The following VAT1L variants were observed in gnomAD, a reference collection of about 807,000 sequenced individuals.
VAT1L encodes the protein putative NADPH-dependent quinone oxidoreductase VAT1L.
A neutral mutation model predicts 44.1 loss-of-function variants in VAT1L; 34 were observed. The observed-to-expected ratio is 0.77, with a 90% CI of 0.59 to 1.03. VAT1L has a LOEUF of 1.03. Ranked by LOEUF, VAT1L falls within the 50% of genes least tolerant of loss-of-function variation. VAT1L has a pLI of 0.00. For missense variants in VAT1L, 615 were observed against 538.8 expected, an observed-to-expected ratio of 1.14 and a Z score of -1.40; for synonymous variants, 253 against 202.2, an observed-to-expected ratio of 1.25 and a Z score of -2.13.
chr16:77,968,994 T>G (rs1395014337), intron 7 of VAT1L, among the ~76,000 whole-genome samples: 3 of 151,942 alleles, frequency 2.0e-5, no homozygotes, highest in Non-Finnish European at 4.4e-5. Context: ...AATTTTTGTT[T>G]TTTTAGTAGA....
At chr16:77,956,501 T>A (rs2018104967) in intron 7 of VAT1L, among the ~76,000 whole-genome samples, 1 of 152,228 alleles carries the variant, frequency 6.6e-6, no homozygotes, top group Non-Finnish European at 1.5e-5. Flanking sequence ...GCAATGATCA[T>A]GAGCAACGGC....
At chr16:77,959,522 C>A (rs1017047112) in intron 7 of VAT1L, among the ~76,000 whole-genome samples, 1 of 152,182 alleles carries the variant, frequency 6.6e-6, no homozygotes, top group Non-Finnish European at 1.5e-5. Context: ...TTTTTCAAAG[C>A]TTTTAATTTA....
intron 2 of VAT1L, among the ~76,000 whole-genome samples, chr16:77,818,607 C>T (rs1567476199): frequency 1.3e-5 from 2 of 152,142 alleles, no homozygotes; most frequent in Non-Finnish European, 2.9e-5. Context: ...TAACAGGAAA[C>T]AGGGACATTG....
At chr16:77,940,849 T>C (rs1158767242) in intron 7 of VAT1L, among the ~76,000 whole-genome samples, 1 of 152,170 alleles carries the variant, frequency 6.6e-6, no homozygotes, top group Non-Finnish European at 1.5e-5. Flanking sequence ...TTACATTGTT[T>C]CCTTTGCATT....
chr16:77,918,980 C>A (rs1158919479), intron 7 of VAT1L, among the ~76,000 whole-genome samples: 3 of 152,120 alleles, frequency 2.0e-5, no homozygotes, highest in African/African-American at 7.2e-5. Context: ...TCCTATCTAG[C>A]TTCTTGTTTA....
chr16:77,870,069 A>G (rs930670064), intron 4 of VAT1L, among the ~76,000 whole-genome samples: 1 of 152,222 alleles, frequency 6.6e-6, no homozygotes, highest in African/African-American at 2.4e-5. Flanking sequence ...TGCGAAGTAC[A>G]TATGGGAACT....
At chr16:77,903,281 G>A (rs1359242110) in intron 7 of VAT1L, among the ~76,000 whole-genome samples, 1 of 152,140 alleles carries the variant, frequency 6.6e-6, no homozygotes, top group East Asian at 1.9e-4. Context: ...CCCCCGCTAT[G>A]TAAGCTCTAC....
chr16:77,943,287 C>T (rs1381108352), intron 7 of VAT1L, among the ~76,000 whole-genome samples: 1 of 144,960 alleles, frequency 6.9e-6, no homozygotes, highest in African/African-American at 2.6e-5. Context: ...AAGCTCCTGA[C>T]CTCAGGTGAT....
At chr16:77,821,465 G>A (rs1305065845) in intron 2 of VAT1L, among the ~76,000 whole-genome samples, 1 of 151,946 alleles carries the variant, frequency 6.6e-6, no homozygotes, top group Non-Finnish European at 1.5e-5. Context: ...TAATTTTTCT[G>A]TATTTTTAGT....
intron 3 of VAT1L, among the ~76,000 whole-genome samples, chr16:77,861,488 T>C (rs2142441920): frequency 6.6e-6 from 1 of 152,378 alleles, no homozygotes; most frequent in Non-Finnish European, 1.5e-5. Context: ...ACCTCTTCTC[T>C]ATATGCCTGG....
chr16:77,972,538 G>T (rs1597128506), intron 8 of VAT1L, among the ~76,000 whole-genome samples: 1 of 152,166 alleles, frequency 6.6e-6, no homozygotes, highest in Non-Finnish European at 1.5e-5. Context: ...CCCAGCACTT[G>T]GGGAGGCTGA....
chr16:77,796,790 G>C (rs1278342631), intron 1 of VAT1L, among the ~76,000 whole-genome samples: 1 of 152,158 alleles, frequency 6.6e-6, no homozygotes, highest in East Asian at 1.9e-4. Flanking sequence ...TAGGATGCTG[G>C]CTTTTCTACA....
At chr16:77,862,709 G>T (rs1435186283) in intron 3 of VAT1L, 39 bp from the exon 4 acceptor site, 7 of 1,599,148 alleles carry the variant, frequency 4.4e-6, no homozygotes, top group Non-Finnish European at 6.0e-6. Flanking sequence ...TGATCTGGTG[G>T]CTCCTATGTG....
intron 7 of VAT1L, among the ~76,000 whole-genome samples, chr16:77,964,082 A>T (rs1257636900): frequency 6.6e-6 from 1 of 151,906 alleles, no homozygotes; most frequent in Non-Finnish European, 1.5e-5. Context: ...GCCTCCTCTT[A>T]GAGAATCCCA....
At chr16:77,916,453 A>T (rs1285895977) in intron 7 of VAT1L, among the ~76,000 whole-genome samples, 1 of 151,776 alleles carries the variant, frequency 6.6e-6, no homozygotes, top group Admixed American at 6.6e-5. Flanking sequence ...CTCTCTCTCC[A>T]CTGGGTTTTT....
chr16:77,940,963 G>A (rs542742116), intron 7 of VAT1L, among the ~76,000 whole-genome samples: 33 of 152,140 alleles, frequency 2.2e-4, no homozygotes, highest in Non-Finnish European at 4.1e-4. Context: ...TCAACAAAGA[G>A]GGAGCAGGCT....
At chr16:77,880,257 A>G (rs559677761) in intron 6 of VAT1L, among the ~76,000 whole-genome samples, 1 of 151,926 alleles carries the variant, frequency 6.6e-6, no homozygotes, top group African/African-American at 2.4e-5. Flanking sequence ...CCTGGGCTGT[A>G]GCAACCCTCC....
chr16:77,972,100 G>A (rs1161636034), intron 8 of VAT1L, among the ~76,000 whole-genome samples, 167 bp downstream of exon 8: 1 of 152,146 alleles, frequency 6.6e-6, no homozygotes, highest in East Asian at 1.9e-4. Flanking sequence ...ATGACAAACT[G>A]AGATGAATGC....
rs143234468 is a variant in VAT1L, at chr16:77,798,916, CATG to C, written c.233+10006_233+10008del. On this transcript the variant is annotated intron_variant, in intron 1 of 8. Coordinates refer to ENST00000302536, the MANE Select transcript of VAT1L (RefSeq NM_020927.3). ...TCGTTATTTCAGCCCTGCTGGCCAT[CATG>C]ATGAGTTTGTCCCTGGGATTCTAGG... Among the ~76,000 whole-genome samples the C allele has an allele frequency of 9.3e-3, 1,416 of 152,098 alleles. 24 individuals are homozygous for C. The highest frequency in any genetic ancestry group is 0.032 in the African/African-American group (1,319 of 41,488).
Sources: allele counts gnomAD v4.1 joint callset (sites outside exome capture counted in the v4.1 genomes callset), GRCh38; gene constraint gnomAD v4.1.1; transcripts MANE v1.5; gene names NCBI Gene and HGNC (gene_info 2026-07-23, HGNC 2026-07-21).